The following KIF20B variants were observed in gnomAD, a reference collection of about 807,000 sequenced individuals.
KIF20B encodes the protein kinesin family member 20B.
In KIF20B, 188 loss-of-function variants were observed where a neutral mutation model predicts 232.5. The observed-to-expected ratio is 0.81, with a 90% CI of 0.72 to 0.91. The LOEUF (loss-of-function observed/expected upper bound fraction) is 0.91. Ranked by LOEUF, KIF20B falls within the 40% of genes least tolerant of loss-of-function variation. KIF20B has a pLI of 0.00. For missense variants in KIF20B, 2,154 were observed against 2,055.9 expected (o/e 1.05, Z -0.92); for synonymous variants, 712 against 683.0 (o/e 1.04, Z -0.66).
chr10:89,723,847 A>C, intron 13 of KIF20B, 117 bp from the exon 14 acceptor site: 1 of 869,126 alleles, frequency 1.2e-6, no homozygotes, highest in Non-Finnish European at 1.6e-6. Context: ...CACTATTAAA[A>C]AGGACACAGA....
At chr10:89,717,809 G>T in intron 11 of KIF20B, 87 bp downstream of exon 11, 1 of 874,296 alleles carries the variant, frequency 1.1e-6, no homozygotes, top group Non-Finnish European at 1.7e-6. Flanking sequence ...GTTCTTTTTT[G>T]ATTTTTAAAC....
intron 14 of KIF20B, 124 bp downstream of exon 14, chr10:89,724,227 T>A: frequency 1.0e-6 from 1 of 976,170 alleles, no homozygotes; most frequent in Non-Finnish European, 1.4e-6. Context: ...TTATACAAGC[T>A]TGAAAATAGC....
intron 14 of KIF20B, 96 bp from the exon 15 acceptor site, chr10:89,724,924 T>C: frequency 7.9e-7 from 1 of 1,262,486 alleles, no homozygotes; most frequent in East Asian, 2.4e-5. Flanking sequence ...CTAAATTTTC[T>C]TTTAATCTAG....
At chr10:89,743,601 A>G (rs183500953) in intron 21 of KIF20B, among the ~76,000 whole-genome samples, 7 of 152,192 alleles carry the variant, frequency 4.6e-5, no homozygotes, top group Non-Finnish European at 8.8e-5. Context: ...TGAGTTTTTC[A>G]TATGCATTCT....
In KIF20B at chr10:89,757,040, GTATA is replaced by G. The variant is rs34325599; in HGVS notation, c.4504-1639_4504-1636del. On this transcript the variant is annotated intron_variant, in intron 26 of 32. Coordinates refer to ENST00000371728, the MANE Select transcript of KIF20B (RefSeq NM_001284259.2). ...ATCTCTGTTGTGTGTGTGTGTGTGT[GTATA>G]TATATATATATATATATATATATAT... 5.9e-3 allele frequency among the ~76,000 whole-genome samples: 648 copies of G among 110,718 alleles called. 3 individuals are homozygous for G. The highest frequency in any genetic ancestry group is 0.011 in the African/African-American group (335 of 29,934). The allele number at this position is 110,718 out of a possible 152,430, so 72.6% of individuals were successfully genotyped here. A position where few individuals can be genotyped will look rare whatever the true frequency, so the allele number is the denominator to read the frequency against.
intron 23 of KIF20B, among the ~76,000 whole-genome samples, chr10:89,748,753 T>A (rs1841967490): frequency 1.3e-5 from 2 of 152,202 alleles, no homozygotes; most frequent in African/African-American, 4.8e-5. Flanking sequence ...TCTGGAAAAG[T>A]CTACCCTTGG....
At position 89,732,972 on chromosome 10, in the gene KIF20B, A is replaced by G; in HGVS notation, c.2461A>G (p.Lys821Glu). 1.2e-6 allele frequency: 2 copies of G among 1,612,836 alleles called. No homozygotes were observed. The highest frequency in any genetic ancestry group is 1.7e-6 in the Non-Finnish European group (2 of 1,178,934). ...LICNETVEVP[K>E]DSKSKICSER... ...TTGTAATGAAACAGTTGAAGTACCT[A>G]AGGACAGCAAATCTAAAATCTGTTC... Residue 821 changes from lysine to glutamate, a missense_variant, in exon 19 of 33, where the codon AAG becomes GAG. Physicochemically the swap from Lys to Glu is moderately conservative, Grantham distance 56 (BLOSUM62 1). Coordinates refer to ENST00000371728, the MANE Select transcript of KIF20B (RefSeq NM_001284259.2).
Position 89,738,620 on chromosome 10 carries a change from A to G in KIF20B, c.3776+3A>G. 6.5e-7 allele frequency: 1 copy of G among 1,542,858 alleles called. No homozygotes were observed. The highest frequency in any genetic ancestry group is 8.7e-7 in the Non-Finnish European group (1 of 1,152,122). The stretch of plus-strand genomic sequence containing the variant: ...ACCAACAGGCAAGAAACAGAAAAGT[A>G]AGCTAAATGTTATTCAAAATATTTT... On this transcript the variant is annotated splice_donor_region_variant and intron_variant, in intron 20 of 32. Transcript: ENST00000371728.
chr10:89,715,563 T>C (rs61869218), intron 8 of KIF20B, among the ~76,000 whole-genome samples: 6,671 of 152,318 alleles, frequency 0.044, 195 homozygotes, highest in Middle Eastern at 0.082. Context: ...GAAACACATA[T>C]TAATAACATC....
intron 26 of KIF20B, among the ~76,000 whole-genome samples, chr10:89,755,373 T>C (rs1842098016): frequency 6.6e-6 from 1 of 150,664 alleles, no homozygotes; most frequent in Admixed American, 6.6e-5. Context: ...TTTCCTTCCT[T>C]CTTTCCTTCC....
Position 89,729,217 on chromosome 10 carries a change from G to T in KIF20B, c.2361G>T (p.Lys787Asn), listed in dbSNP as rs769732448. ...CTATCAACGAATTTCAGAACCTAAA[G>T]TCTCATATGGAAAACACATTTAAAT... ...EDTINEFQNL[K>N]SHMENTFKCN... Residue 787 changes from lysine (K) to asparagine (N), a missense_variant, in exon 18 of 33, where the codon AAG becomes AAT. Lys to Asn is a moderately conservative substitution (Grantham distance 94, BLOSUM62 0). Coordinates refer to ENST00000371728, the MANE Select transcript of KIF20B (RefSeq NM_001284259.2). 6.7e-6 allele frequency: 10 copies of T among 1,492,074 alleles called. No individual in the cohort carries two copies. Among genetic ancestry groups the T allele is most frequent in the Non-Finnish European group, 9.0e-6 (10 of 1,111,056 alleles). 92.4% of individuals were successfully genotyped at this position (1,492,074 alleles called of 1,614,324 possible).
At chr10:89,745,524 AAAAC>A (rs202104863) in intron 22 of KIF20B, among the ~76,000 whole-genome samples, 22 of 152,006 alleles carry the variant, frequency 1.4e-4, no homozygotes, top group Non-Finnish European at 2.5e-4. Context: ...CTCCATCTCA[AAAAC>A]AAACAAATAA....
chr10:89,733,097 A>G (rs767691248), intron 19 of KIF20B, 41 bp downstream of exon 19: 5 of 1,606,378 alleles, frequency 3.1e-6, no homozygotes, highest in South Asian at 2.2e-5. Context: ...TAAGAAAGCT[A>G]ATTTCTAAAC....
At chr10:89,746,235 C>T (rs960667213) in intron 23 of KIF20B, among the ~76,000 whole-genome samples, 3 of 152,342 alleles carry the variant, frequency 2.0e-5, no homozygotes, top group African/African-American at 7.2e-5. Context: ...CTCAATTAGA[C>T]CCTCTGCCTT....
intron 13 of KIF20B, among the ~76,000 whole-genome samples, chr10:89,722,095 G>C (rs911881041): frequency 1.3e-5 from 2 of 152,024 alleles, no homozygotes; most frequent in African/African-American, 4.8e-5. Flanking sequence ...AAAATGTTTT[G>C]TAGACATGAG....
intron 1 of KIF20B, among the ~76,000 whole-genome samples, chr10:89,704,850 C>T (rs1842690084): frequency 6.6e-6 from 1 of 152,200 alleles, no homozygotes; most frequent in African/African-American, 2.4e-5. Context: ...AGCCACCGCA[C>T]CAGACCCAGA....
At chr10:89,748,367 C>A (rs1321008018) in intron 23 of KIF20B, among the ~76,000 whole-genome samples, 16 of 152,182 alleles carry the variant, frequency 1.1e-4, no homozygotes, top group Admixed American at 9.8e-4. Context: ...ACAGACTCCT[C>A]TCCTCCTCAT....
At position 89,737,939 on chromosome 10, in the gene KIF20B, A is replaced by T. The variant is rs757702483; in HGVS notation, c.3098A>T (p.Tyr1033Phe). 5.0e-6 allele frequency: 8 copies of T among 1,613,356 alleles called. No individual in the cohort carries two copies. The South Asian group carries it at 8.8e-5, about 18-fold the overall frequency. The stretch of plus-strand genomic sequence containing the variant: ...CAGTTAGACCTTTTAGGTAATGATT[A>T]TTTGGTAAGTAAGCAAGTTAAAGAA... ...NTQLDLLGND[Y>F]LVSKQVKEYR... Residue 1033 changes from tyrosine to phenylalanine, a missense_variant, in exon 20 of 33, where the codon TAT becomes TTT. Coordinates refer to ENST00000371728, the MANE Select transcript of KIF20B (RefSeq NM_001284259.2).
rs761678395 is a variant in KIF20B at position 89,719,524 on chromosome 10, A to C, written c.1540A>C (p.Asn514His). 6.2e-7 allele frequency: 1 copy of C among 1,612,488 alleles called. No individual in the cohort carries two copies. The highest frequency in any genetic ancestry group is 1.1e-5 in the South Asian group (1 of 90,992). ...LDSNSNSKILNVKRATISWEN... is the reference protein window; with the variant it reads ...LDSNSNSKILHVKRATISWEN... The stretch of plus-strand genomic sequence containing the variant: ...CAGTAATTCAAACAGTAAAATATTA[A>C]ATGTAAAAAGAGCCACCATTTCATG... The change falls in exon 13 of 33, where the codon AAT becomes CAT. Residue 514 changes from asparagine (N) to histidine (H), a missense_variant. By Grantham distance (68) the Asn-to-His change is moderately conservative (BLOSUM62 1). Transcript: ENST00000371728.
Sources: gnomAD v4.1 joint callset for allele counts (sites outside exome capture counted in the v4.1 genomes callset) on GRCh38, gnomAD v4.1.1 for gene constraint, MANE v1.5 for transcripts, NCBI Gene and HGNC (gene_info 2026-07-23, HGNC 2026-07-21) for gene names.